OLA1: variants seen among roughly 807,000 people sequenced by gnomAD.
The protein encoded by OLA1 is Obg like ATPase 1.
A neutral mutation model predicts 48.4 loss-of-function variants in OLA1; 14 were observed. The observed-to-expected ratio is 0.29, with a 90% CI of 0.19 to 0.45. The LOEUF (loss-of-function observed/expected upper bound fraction) is 0.45. OLA1 is among the 20% of genes least tolerant of loss of function. The pLI is 1.00. For missense variants in OLA1, 325 were observed against 467.1 expected (o/e 0.70, Z 2.80); for synonymous variants, 127 against 150.4 (o/e 0.84, Z 1.14).
intron 4 of OLA1, among the ~76,000 whole-genome samples, chr2:174,144,338 G>A (rs10497417): frequency 0.16 from 24,978 of 151,814 alleles, 2,153 homozygotes; most frequent in East Asian, 0.21. Context: ...TTTGTATTGT[G>A]AGGTGGTAAC....
intron 4 of OLA1, among the ~76,000 whole-genome samples, chr2:174,170,214 C>G (rs976052909): frequency 4.6e-5 from 7 of 152,018 alleles, no homozygotes; most frequent in Admixed American, 4.6e-4. Flanking sequence ...GCCTGGGCTA[C>G]AGAGCGAGAC....
At chr2:174,114,341 CAAAAAAAAAAAA>C (rs76471043) in intron 7 of OLA1, among the ~76,000 whole-genome samples, 11 of 60,644 alleles carry the variant, frequency 1.8e-4, no homozygotes, top group Non-Finnish European at 2.4e-4. Context: ...GACTCCGCCT[CAAAAAAAAAAAA>C]AAAAAAAAAA....
intron 2 of OLA1, chr2:174,240,576 GAA>G (rs879782924): frequency 6.7e-6 from 1 of 148,236 alleles, no homozygotes; most frequent in East Asian, 2.0e-4. Flanking sequence ...TAATCATTAA[GAA>G]AAAAAAAGAC....
intron 4 of OLA1, among the ~76,000 whole-genome samples, chr2:174,201,260 A>C (rs1312506549): frequency 6.6e-6 from 1 of 152,220 alleles, no homozygotes; most frequent in African/African-American, 2.4e-5. Context: ...AGAGAAGTTA[A>C]AATGATGGGT....
At chr2:174,189,039 G>A (rs1687718001) in intron 4 of OLA1, among the ~76,000 whole-genome samples, 1 of 152,110 alleles carries the variant, frequency 6.6e-6, no homozygotes, top group South Asian at 2.1e-4. Context: ...AGGAAGATCT[G>A]AAATGGCCTA....
At chr2:174,225,629 G>A (rs1302705940) in intron 3 of OLA1, among the ~76,000 whole-genome samples, 1 of 152,056 alleles carries the variant, frequency 6.6e-6, no homozygotes, top group Non-Finnish European at 1.5e-5. Context: ...AGAACCATGA[G>A]CCAAATAAAC....
intron 7 of OLA1, among the ~76,000 whole-genome samples, chr2:174,096,963 C>G (rs1445307818): frequency 6.6e-6 from 1 of 152,150 alleles, no homozygotes; most frequent in African/African-American, 2.4e-5. Context: ...CGAGACCAGC[C>G]TGGCCAACAT....
intron 1 of OLA1, 155 bp downstream of exon 1, chr2:174,248,297 G>C (rs1689176592): frequency 1.3e-5 from 2 of 153,038 alleles, no homozygotes; most frequent in Admixed American, 1.3e-4. Flanking sequence ...GGCCTAGTCC[G>C]ACAGCGCCTC....
At chr2:174,245,088 T>C (rs1244558514) in intron 2 of OLA1, among the ~76,000 whole-genome samples, 2 of 152,228 alleles carry the variant, frequency 1.3e-5, no homozygotes, top group African/African-American at 2.4e-5. Flanking sequence ...GCAACAATTC[T>C]AGAATGAGAA....
intron 7 of OLA1, among the ~76,000 whole-genome samples, chr2:174,120,254 GTCCT>G (rs1159115082): frequency 1.3e-5 from 2 of 152,056 alleles, no homozygotes; most frequent in African/African-American, 2.4e-5. Flanking sequence ...CAGTTCTAAT[GTCCT>G]GTACCTGCTT....
chr2:174,200,415 G>A (rs745624944), intron 4 of OLA1, among the ~76,000 whole-genome samples: 2 of 152,152 alleles, frequency 1.3e-5, no homozygotes, highest in Non-Finnish European at 2.9e-5. Flanking sequence ...GATTATAGCA[G>A]TTAGAAAAAG....
chr2:174,223,374 A>C (rs959086908), intron 3 of OLA1, among the ~76,000 whole-genome samples: 1 of 152,214 alleles, frequency 6.6e-6, no homozygotes, highest in Non-Finnish European at 1.5e-5. Context: ...ATAAGTGAGA[A>C]AACTAAAACA....
At chr2:174,132,857 C>T (rs79914545) in intron 5 of OLA1, among the ~76,000 whole-genome samples, 20,167 of 152,116 alleles carry the variant, frequency 0.13, 1,787 homozygotes, top group Non-Finnish European at 0.2. Context: ...GGTCAAATTC[C>T]TTGAGTTGTT....
intron 7 of OLA1, among the ~76,000 whole-genome samples, chr2:174,110,302 A>ATTTTTTTTTTTTTTTT (rs575026912): frequency 7.0e-5 from 8 of 113,888 alleles, no homozygotes; most frequent in Non-Finnish European, 8.8e-5. Context: ...CCATGCTTGG[A>ATTTTTTTTTTTTTTTT]TTTTTTTTTT....
intron 4 of OLA1, among the ~76,000 whole-genome samples, chr2:174,211,214 C>T (rs1311243621): frequency 6.6e-6 from 1 of 152,100 alleles, no homozygotes; most frequent in African/African-American, 2.4e-5. Flanking sequence ...CACTCTCTCT[C>T]TCTCTCTCTT....
At chr2:174,164,073 A>G (rs1321599125) in intron 4 of OLA1, among the ~76,000 whole-genome samples, 1 of 151,604 alleles carries the variant, frequency 6.6e-6, no homozygotes, top group African/African-American at 2.4e-5. Context: ...ATGGTTTTAT[A>G]AGGGGCTTTT....
chr2:174,109,554 C>T (rs1685599202), intron 7 of OLA1, among the ~76,000 whole-genome samples: 1 of 152,150 alleles, frequency 6.6e-6, no homozygotes, highest in African/African-American at 2.4e-5. Context: ...TTCAAGAGAT[C>T]CAGGCAACTG....
chr2:174,159,643 T>G (rs1415678822), intron 4 of OLA1, among the ~76,000 whole-genome samples: 2 of 152,112 alleles, frequency 1.3e-5, no homozygotes, highest in Admixed American at 6.5e-5. Flanking sequence ...TGTTACTGCT[T>G]ATATAATAAA....
At chr2:174,221,884 A>G (rs1253553798) in intron 4 of OLA1, among the ~76,000 whole-genome samples, 1 of 152,158 alleles carries the variant, frequency 6.6e-6, no homozygotes, top group Admixed American at 6.5e-5. Flanking sequence ...GCCAATGTAC[A>G]GGCTTTAGTT....
Sources: gnomAD v4.1 joint callset for allele counts (sites outside exome capture counted in the v4.1 genomes callset) on GRCh38, gnomAD v4.1.1 for gene constraint, MANE v1.5 for transcripts, NCBI Gene and HGNC (gene_info 2026-07-23, HGNC 2026-07-21) for gene names.